The following ROCK1 variants were observed in gnomAD, a reference collection of about 807,000 sequenced individuals.
ROCK1 encodes Rho associated coiled-coil containing protein kinase 1.
A neutral mutation model predicts 196.8 loss-of-function variants in ROCK1; 36 were observed. That is an observed-to-expected ratio of 0.18 (90% CI 0.14 to 0.24). The LOEUF (loss-of-function observed/expected upper bound fraction) is 0.24, where lower values mean the gene tolerates loss of function less well. ROCK1 is among the 10% of genes least tolerant of loss of function. The probability of loss-of-function intolerance (pLI) is 1.00; values close to 1 mark genes in which losing one functional copy is unlikely to be tolerated. For synonymous variants in ROCK1, 443 were observed against 515.9 expected (o/e 0.86, Z 1.91); for missense variants, 920 against 1,562.0 (o/e 0.59, Z 6.93).
intron 12 of ROCK1, among the ~76,000 whole-genome samples, chr18:21,015,940 A>G (rs561162898): frequency 6.6e-6 from 1 of 152,128 alleles, no homozygotes; most frequent in African/African-American, 2.4e-5. Flanking sequence ...AGATCATGCT[A>G]CTGTACTCCA....
intron 2 of ROCK1, among the ~76,000 whole-genome samples, chr18:21,050,311 A>G (rs2036193631): frequency 6.6e-6 from 1 of 151,822 alleles, no homozygotes; most frequent in Non-Finnish European, 1.5e-5. Flanking sequence ...CTTTAAAAAA[A>G]GATGTAATTT....
intron 13 of ROCK1, 80 bp from the exon 14 acceptor site, chr18:21,008,274 C>T: frequency 1.0e-6 from 1 of 986,204 alleles, no homozygotes. Flanking sequence ...TTCTTAAAAA[C>T]AAAAAACAAG....
chr18:21,031,208 A>C (rs2036003253), intron 9 of ROCK1, among the ~76,000 whole-genome samples: 1 of 152,232 alleles, frequency 6.6e-6, no homozygotes, highest in Non-Finnish European at 1.5e-5. Context: ...TGTCCCTCTT[A>C]GAAGGATACA....
At chr18:21,008,006 C>A in intron 14 of ROCK1, 53 bp downstream of exon 14, 1 of 1,415,944 alleles carries the variant, frequency 7.1e-7, no homozygotes, top group Non-Finnish European at 9.6e-7. Context: ...TTAAAGACAA[C>A]CTCATGACAG....
intron 1 of ROCK1, among the ~76,000 whole-genome samples, chr18:21,078,373 C>CACACAGAGAGAGAG (rs1491188980): frequency 1.5e-5 from 1 of 66,118 alleles, no homozygotes; most frequent in African/African-American, 3.6e-5. Context: ...CACACACACA[C>CACACAGAGAGAGAG]AGAGAGAGAG....
chr18:21,091,050 A>AT (rs5823294), intron 1 of ROCK1, among the ~76,000 whole-genome samples: 130,751 of 148,930 alleles, frequency 0.88, 57,555 homozygotes, highest in Non-Finnish European at 0.94. Context: ...TTATATGTGG[A>AT]TTTTTTTTTT....
chr18:20,987,106 C>A lies in ROCK1; in HGVS notation c.2148G>T (p.Met716Ile). The change falls in exon 19 of 33, where the codon ATG becomes ATT. Residue 716 changes from methionine (M) to isoleucine (I), a missense_variant. Transcript: ENST00000399799. ...EEAKSVAMCE[M>I]EKKLKEEREA... ...CTCTTTCTTCTTTCAGCTTTTTTTC[C>A]ATCTCTGGGAAAGCAAAAAGTTACA... is the stretch of plus-strand genomic sequence containing the variant. 1.2e-6 allele frequency: 2 copies of A among 1,610,364 alleles called. No individual in the cohort carries two copies. The highest frequency in any genetic ancestry group is 1.7e-6 in the Non-Finnish European group (2 of 1,179,214).
intron 6 of ROCK1, 27 bp downstream of exon 6, chr18:21,044,075 A>T: frequency 7.0e-7 from 1 of 1,431,324 alleles, no homozygotes; most frequent in Non-Finnish European, 9.7e-7. Flanking sequence ...AATTAGCAAA[A>T]ACTAAATTAA....
chr18:21,083,718 T>C (rs544254910), intron 1 of ROCK1, among the ~76,000 whole-genome samples: 1 of 152,360 alleles, frequency 6.6e-6, no homozygotes, highest in African/African-American at 2.4e-5. Flanking sequence ...GCTAACATTA[T>C]GTAAGAATAC....
chr18:21,005,336 C>T (rs1324090985), intron 16 of ROCK1, among the ~76,000 whole-genome samples: 1 of 152,200 alleles, frequency 6.6e-6, no homozygotes, highest in Non-Finnish European at 1.5e-5. Flanking sequence ...GATTTTATTT[C>T]TGCAACTGAC....
chr18:21,029,598 G>A (rs1322265952), intron 9 of ROCK1, among the ~76,000 whole-genome samples: 1 of 151,986 alleles, frequency 6.6e-6, no homozygotes, highest in Non-Finnish European at 1.5e-5. Flanking sequence ...AATAAAAAAG[G>A]GCAGTAATAT....
At chr18:21,079,976 T>C (rs752046836) in intron 1 of ROCK1, among the ~76,000 whole-genome samples, 7 of 152,268 alleles carry the variant, frequency 4.6e-5, no homozygotes, top group Non-Finnish European at 1.0e-4. Context: ...TGCTTTAAAA[T>C]ACACTCCAGG....
At chr18:21,038,723 G>C (rs1198405420) in intron 9 of ROCK1, among the ~76,000 whole-genome samples, 4 of 152,168 alleles carry the variant, frequency 2.6e-5, no homozygotes, top group African/African-American at 9.6e-5. Flanking sequence ...TAGGGACTGA[G>C]ATACATTATC....
chr18:20,970,772 A>T (rs2035418413), intron 22 of ROCK1, among the ~76,000 whole-genome samples: 1 of 152,236 alleles, frequency 6.6e-6, no homozygotes, highest in Admixed American at 6.5e-5. Flanking sequence ...AATAGCAAAT[A>T]GTCTGCTTTT....
In ROCK1 at chr18:20,971,217, A is replaced by G. The variant is rs2035422775; in HGVS notation, c.2655-704T>C. On this transcript the variant is annotated intron_variant, in intron 22 of 32. Coordinates refer to ENST00000399799, the MANE Select transcript of ROCK1 (RefSeq NM_005406.3). Reference sequence around the variant, plus strand: ...TAGGTGCTCAATAAATATGTTCTGAATGAGTAACTTCCACCTCCTATTTTC... The same window carrying G: ...TAGGTGCTCAATAAATATGTTCTGAGTGAGTAACTTCCACCTCCTATTTTC... Among the ~76,000 whole-genome samples the G allele has an allele frequency of 2.6e-5, 4 of 151,064 alleles. No individual in the cohort carries two copies. The South Asian group carries it at 8.5e-4, about 32-fold the overall frequency.
intron 1 of ROCK1, among the ~76,000 whole-genome samples, chr18:21,070,951 C>T (rs2036379144): frequency 6.6e-6 from 1 of 152,058 alleles, no homozygotes; most frequent in Non-Finnish European, 1.5e-5. Flanking sequence ...TTATCTTAGA[C>T]ATCAAAAACC....
At chr18:20,986,150 C>T (rs1171065741) in intron 19 of ROCK1, among the ~76,000 whole-genome samples, 3 of 152,174 alleles carry the variant, frequency 2.0e-5, no homozygotes, top group Non-Finnish European at 2.9e-5. Context: ...TGTCAGCCAA[C>T]GTGCCTGGCC....
chr18:20,962,517 T>G (rs1418763804), intron 27 of ROCK1, among the ~76,000 whole-genome samples: 2 of 152,160 alleles, frequency 1.3e-5, no homozygotes, highest in African/African-American at 4.8e-5. Flanking sequence ...TCAAAAATAT[T>G]TATGCTTTCT....
intron 29 of ROCK1, among the ~76,000 whole-genome samples, chr18:20,957,833 C>T (rs2035260392): frequency 6.6e-6 from 1 of 151,542 alleles, no homozygotes; most frequent in Admixed American, 6.6e-5. Context: ...ATTCTTTTTT[C>T]AGAGACAGGG....
Sources: allele counts gnomAD v4.1 joint callset (sites outside exome capture counted in the v4.1 genomes callset), GRCh38; gene constraint gnomAD v4.1.1; transcripts MANE v1.5; gene names NCBI Gene and HGNC (gene_info 2026-07-23, HGNC 2026-07-21).